Variants in XPR1 observed in about 807,000 individuals in gnomAD.
XPR1 encodes xenotropic and polytropic retrovirus receptor 1.
In XPR1, 28 loss-of-function variants were observed where a neutral mutation model predicts 87.5. The observed-to-expected ratio is 0.32, with a 90% CI of 0.24 to 0.44. The LOEUF (loss-of-function observed/expected upper bound fraction) is 0.44. XPR1 is among the 20% of genes least tolerant of loss of function. XPR1 has a pLI of 1.00. For synonymous variants in XPR1, 300 were observed against 306.1 expected, an observed-to-expected ratio of 0.98 and a Z score of 0.21; for missense variants, 559 against 862.3, an observed-to-expected ratio of 0.65 and a Z score of 4.41.
In XPR1 at chr1:180,884,185, C is replaced by T. The variant is rs1307263754; in HGVS notation, c.*119C>T. 3 of 744,084 alleles carry T rather than the reference C, an allele frequency of 4.0e-6. No homozygotes were observed. The highest frequency in any genetic ancestry group is 6.4e-6 in the Non-Finnish European group (3 of 471,300). 46.1% of individuals were successfully genotyped at this position (744,084 alleles called of 1,614,324 possible). A position where few individuals can be genotyped will look rare whatever the true frequency, so the allele number is the denominator to read the frequency against. On this transcript the variant is annotated 3_prime_UTR_variant, in exon 15 of 15. Transcript: ENST00000367590. ...AGGAGAAAACACATAACACATTTTC[C>T]GAGCTCTTCCGGATCGGATCCTATG...
At chr1:180,698,173 T>A (rs1320312971) in intron 2 of XPR1, among the ~76,000 whole-genome samples, 1 of 152,188 alleles carries the variant, frequency 6.6e-6, no homozygotes, top group Non-Finnish European at 1.5e-5. Context: ...TTGATTTTTT[T>A]ATCATTATTT....
chr1:180,675,593 T>A (rs1346615159), intron 1 of XPR1, among the ~76,000 whole-genome samples: 1 of 152,220 alleles, frequency 6.6e-6, no homozygotes, highest in Non-Finnish European at 1.5e-5. Flanking sequence ...TGCAAAGGAT[T>A]GCTTTTAATC....
intron 2 of XPR1, among the ~76,000 whole-genome samples, chr1:180,749,062 G>A (rs569396163): frequency 5.9e-5 from 9 of 152,308 alleles, no homozygotes; most frequent in East Asian, 1.9e-4. Context: ...TTAGCCAGGC[G>A]TGGAGACGCA....
chr1:180,658,541 G>A (rs1237024119), intron 1 of XPR1, among the ~76,000 whole-genome samples: 1 of 152,064 alleles, frequency 6.6e-6, no homozygotes, highest in African/African-American at 2.4e-5. Flanking sequence ...ATCAACCAAA[G>A]TGATCATATG....
At position 180,883,707 on chromosome 1, in the gene XPR1, C is replaced by CA. The variant is rs35119730; in HGVS notation, c.2031-282dup. Among the ~76,000 whole-genome samples the CA allele has an allele frequency of 0.98, 130,732 of 133,120 alleles. 64,209 individuals carry two copies. Among genetic ancestry groups the CA allele is most frequent in the South Asian group, 0.99 (4,004 of 4,036 alleles). The allele number at this position is 133,120 out of a possible 152,430, so 87.3% of individuals were successfully genotyped here. A position where few individuals can be genotyped will look rare whatever the true frequency, so the allele number is the denominator to read the frequency against. On this transcript the variant is annotated intron_variant, in intron 14 of 14. Transcript: ENST00000367590. ...CTGGCGACAGAGCGAGACTCTGTCTCAAAAAAAAAAAAAAAAATCAAAGTC... is the reference window on the plus strand; with the variant it reads ...CTGGCGACAGAGCGAGACTCTGTCTCAAAAAAAAAAAAAAAAAATCAAAGTC...
chr1:180,817,570 C>G (rs1329085609), intron 7 of XPR1, among the ~76,000 whole-genome samples: 1 of 152,158 alleles, frequency 6.6e-6, no homozygotes, highest in African/African-American at 2.4e-5. Context: ...CTACAGTATT[C>G]TGTACAGTAA....
At chr1:180,727,037 G>A (rs923709709) in intron 2 of XPR1, among the ~76,000 whole-genome samples, 20 of 152,020 alleles carry the variant, frequency 1.3e-4, no homozygotes, top group African/African-American at 4.8e-4. Context: ...ACTGCGCCCC[G>A]CTAATTTTTT....
At chr1:180,881,299 G>A (rs1652846048) in intron 14 of XPR1, among the ~76,000 whole-genome samples, 1 of 152,114 alleles carries the variant, frequency 6.6e-6, no homozygotes, top group African/African-American at 2.4e-5. Flanking sequence ...GAGTAGCTGG[G>A]ACTACAGGCG....
intron 7 of XPR1, among the ~76,000 whole-genome samples, chr1:180,813,021 T>C (rs934265983): frequency 3.3e-5 from 5 of 149,570 alleles, no homozygotes; most frequent in Admixed American, 6.8e-5. Flanking sequence ...TGCCTCCTTA[T>C]AGCTACTAGT....
intron 11 of XPR1, among the ~76,000 whole-genome samples, chr1:180,844,883 A>G (rs1160869360): frequency 3.9e-5 from 6 of 152,292 alleles, no homozygotes; most frequent in African/African-American, 1.4e-4. Context: ...CTATCCTCCA[A>G]AGGCCATTGC....
At chr1:180,701,930 A>G (rs1346947176) in intron 2 of XPR1, among the ~76,000 whole-genome samples, 3 of 106,140 alleles carry the variant, frequency 2.8e-5, no homozygotes, top group Non-Finnish European at 5.6e-5. Flanking sequence ...TTGTGTCTCT[A>G]TTTCCTTCAG....
At chr1:180,883,862 A>G (rs1290565583) in intron 14 of XPR1, 144 bp from the exon 15 acceptor site, 1 of 609,742 alleles carries the variant, frequency 1.6e-6, no homozygotes, top group Non-Finnish European at 2.8e-6. Flanking sequence ...AGGAAACTCT[A>G]GAATAATCCG....
intron 11 of XPR1, among the ~76,000 whole-genome samples, chr1:180,843,246 T>A (rs1651573515): frequency 6.6e-6 from 1 of 151,922 alleles, no homozygotes; most frequent in Non-Finnish European, 1.5e-5. Context: ...ACACTAATTG[T>A]TTTTCATTCT....
At chr1:180,764,158 G>C (rs1457675045) in intron 2 of XPR1, among the ~76,000 whole-genome samples, 2 of 152,162 alleles carry the variant, frequency 1.3e-5, no homozygotes, top group Non-Finnish European at 1.5e-5. Context: ...TACATGGGTG[G>C]CTGAGCTAGT....
chr1:180,860,766 A>G (rs1652192727), intron 11 of XPR1, among the ~76,000 whole-genome samples: 2 of 151,860 alleles, frequency 1.3e-5, no homozygotes, highest in South Asian at 2.1e-4. Flanking sequence ...TGATGGGTAC[A>G]TGACTCTGCG....
chr1:180,731,125 T>G (rs955532172), intron 2 of XPR1, among the ~76,000 whole-genome samples: 1 of 152,186 alleles, frequency 6.6e-6, no homozygotes, highest in African/African-American at 2.4e-5. Flanking sequence ...GTGCCTAGTT[T>G]AGAATTATTG....
At chr1:180,687,508 G>C (rs889685181) in intron 2 of XPR1, among the ~76,000 whole-genome samples, 3 of 152,028 alleles carry the variant, frequency 2.0e-5, no homozygotes, top group Non-Finnish European at 4.4e-5. Context: ...GTTTTATAGT[G>C]AATTAGTAGC....
intron 2 of XPR1, among the ~76,000 whole-genome samples, chr1:180,702,204 C>T (rs1435073511): frequency 2.1e-5 from 2 of 97,500 alleles, no homozygotes; most frequent in Admixed American, 2.5e-4. Flanking sequence ...ACCCAGTAGT[C>T]ATTCAGGAGC....
chr1:180,671,094 A>C (rs1656153915), intron 1 of XPR1, among the ~76,000 whole-genome samples: 1 of 152,214 alleles, frequency 6.6e-6, no homozygotes, highest in African/African-American at 2.4e-5. Context: ...GGGTTAGATT[A>C]TGAAAATCAA....
Sources: gnomAD v4.1 joint callset for allele counts (sites outside exome capture counted in the v4.1 genomes callset) on GRCh38, gnomAD v4.1.1 for gene constraint, MANE v1.5 for transcripts, NCBI Gene and HGNC (gene_info 2026-07-23, HGNC 2026-07-21) for gene names.